Variants in NECTIN3 observed in about 807,000 individuals in gnomAD.
NECTIN3 encodes nectin cell adhesion molecule 3, also known as nectin-3.
A neutral mutation model predicts 49.4 loss-of-function variants in NECTIN3; 8 were observed. The ratio of observed to expected loss-of-function variants is 0.16; its 90% confidence interval spans 0.10 to 0.29. The LOEUF (loss-of-function observed/expected upper bound fraction) is 0.29, where lower values mean the gene tolerates loss of function less well. Among genes scored for constraint, NECTIN3 ranks in the 10% least tolerant of loss-of-function variants. The pLI, the probability that NECTIN3 is intolerant of heterozygous loss-of-function variation, is 1.00. For synonymous variants in NECTIN3, 277 were observed against 241.1 expected, an observed-to-expected ratio of 1.15 and a Z score of -1.38; for missense variants, 581 against 654.6, an observed-to-expected ratio of 0.89 and a Z score of 1.23.
At chr3:111,175,234 G>A (rs957724938) in intron 7 of NECTIN3, among the ~76,000 whole-genome samples, 7 of 151,684 alleles carry the variant, frequency 4.6e-5, no homozygotes, top group African/African-American at 1.7e-4. Flanking sequence ...GGAGCCTGGG[G>A]TTTTGGTTTA....
At chr3:111,077,247 A>T (rs1483513407) in intron 1 of NECTIN3, 2 of 437,546 alleles carry the variant, frequency 4.6e-6, no homozygotes, top group Non-Finnish European at 9.3e-6. Context: ...CATTCTGCTA[A>T]ATAAGTTGAG....
intron 1 of NECTIN3, among the ~76,000 whole-genome samples, chr3:111,082,859 G>C (rs139331657): frequency 6.6e-6 from 1 of 152,242 alleles, no homozygotes; most frequent in Non-Finnish European, 1.5e-5. Context: ...AGTCCCGTCT[G>C]GGGGTGATGG....
At chr3:111,162,146 C>A (rs1449193079) in intron 7 of NECTIN3, among the ~76,000 whole-genome samples, 1 of 151,996 alleles carries the variant, frequency 6.6e-6, no homozygotes, top group African/African-American at 2.4e-5. Context: ...GGGGGTGGGT[C>A]ACGCTTTGTG....
intron 6 of NECTIN3, among the ~76,000 whole-genome samples, chr3:111,145,410 T>C (rs948609689): frequency 1.3e-5 from 2 of 152,214 alleles, no homozygotes; most frequent in African/African-American, 4.8e-5. Context: ...CTTCATATTG[T>C]ATATGCATGT....
intron 7 of NECTIN3, among the ~76,000 whole-genome samples, chr3:111,168,997 T>C (rs965470140): frequency 1.3e-5 from 2 of 151,368 alleles, no homozygotes; most frequent in East Asian, 1.9e-4. Context: ...AAAGAAAACA[T>C]ATACTTTTCT....
chr3:111,082,854 C>G (rs904974294), intron 1 of NECTIN3, among the ~76,000 whole-genome samples: 2 of 152,162 alleles, frequency 1.3e-5, no homozygotes, highest in Admixed American at 1.3e-4. Context: ...TAGACAGTCC[C>G]GTCTGGGGGT....
At chr3:111,082,547 G>A (rs2031681290) in intron 1 of NECTIN3, among the ~76,000 whole-genome samples, 1 of 152,150 alleles carries the variant, frequency 6.6e-6, no homozygotes. Flanking sequence ...AATACATTTA[G>A]TAGAGGTAAG....
intron 7 of NECTIN3, among the ~76,000 whole-genome samples, chr3:111,171,432 G>A (rs1369859935): frequency 6.6e-6 from 1 of 152,164 alleles, no homozygotes; most frequent in Admixed American, 6.5e-5. Flanking sequence ...TAACATTTTA[G>A]GTTCATCAAT....
chr3:111,112,509 C>T (rs2033515478), intron 2 of NECTIN3, 138 bp downstream of exon 2: 3 of 633,386 alleles, frequency 4.7e-6, no homozygotes, highest in Middle Eastern at 4.4e-4. Context: ...TTTTCAAGAT[C>T]CTTCTTAAAA....
At chr3:111,132,670 CTGT>C (rs2034435971) in intron 5 of NECTIN3, among the ~76,000 whole-genome samples, 1 of 151,836 alleles carries the variant, frequency 6.6e-6, no homozygotes, top group African/African-American at 2.4e-5. Context: ...GCTATTTACT[CTGT>C]TATCTAATGT....
downstream of NECTIN3, among the ~76,000 whole-genome samples, chr3:111,139,116 T>C (rs2034676981): frequency 6.6e-6 from 1 of 151,746 alleles, no homozygotes; most frequent in African/African-American, 2.4e-5. Flanking sequence ...CTTCTTGATA[T>C]TATTTCATCT....
At chr3:111,126,547 T>C (rs4682233) in intron 5 of NECTIN3, among the ~76,000 whole-genome samples, 5,957 of 152,240 alleles carry the variant, frequency 0.039, 395 homozygotes, top group African/African-American at 0.13. Context: ...TCAAAGTGTC[T>C]GTGCAACAAG....
chr3:111,136,554 T>G lies in NECTIN3; in HGVS notation c.*2339T>G. 2.1e-6 allele frequency: 2 copies of G among 952,806 alleles called. No homozygotes were observed. Among genetic ancestry groups the G allele is most frequent in the Non-Finnish European group, 2.5e-6 (2 of 800,490 alleles). The allele number at this position is 952,806 out of a possible 1,614,324, so 59.0% of individuals were successfully genotyped here. The stretch of plus-strand genomic sequence containing the variant: ...ATTAGAACTTTATGTATATTTACTG[T>G]ACATAGAGACTTGTTTGAAAACATG... On this transcript the variant is annotated 3_prime_UTR_variant, in exon 6 of 6. Transcript: ENST00000485303.
intron 7 of NECTIN3, among the ~76,000 whole-genome samples, chr3:111,150,517 A>C (rs1359039701): frequency 6.6e-6 from 1 of 151,950 alleles, no homozygotes; most frequent in African/African-American, 2.4e-5. Flanking sequence ...GAAATGTAAT[A>C]TATGCATAAA....
chr3:111,122,202 A>G lies in NECTIN3; in HGVS notation c.881A>G (p.Asp294Gly), dbSNP rs1039212311. The stretch of plus-strand genomic sequence containing the variant: ...GGTGTTAATCTCAAATGTAATGCTG[A>G]TGCAAATCCACCACCCTTCAAATCT... ...RKGVNLKCNA[D>G]ANPPPFKSVW... The change falls in exon 4 of 6, where the codon GAT (aspartate) becomes GGT (glycine). Residue 294 changes from aspartate (D) to glycine (G), a missense_variant. Asp to Gly is a moderately conservative substitution (Grantham distance 94). This residue lies in a region of NECTIN3 where 234 missense variants were observed against 340.6 expected (regional missense o/e 0.69). Coordinates refer to ENST00000485303, the MANE Select transcript of NECTIN3 (RefSeq NM_015480.3). The G allele has an allele frequency of 4.3e-6, 7 of 1,612,964 alleles. No homozygotes were observed. Among genetic ancestry groups the G allele is most frequent in the Non-Finnish European group, 5.9e-6 (7 of 1,179,178 alleles).
chr3:111,113,840 C>T lies in NECTIN3; in HGVS notation c.502+1469C>T, dbSNP rs538780168. Reference sequence around the variant, plus strand: ...CTCTACTAAAAATACAAAAATTAGCCAGGCATGGTAGTGCATGCCTGTAAT... The same window carrying T: ...CTCTACTAAAAATACAAAAATTAGCTAGGCATGGTAGTGCATGCCTGTAAT... On this transcript the variant is annotated intron_variant, in intron 2 of 5. Transcript: ENST00000485303. Among the ~76,000 whole-genome samples, 27 of 152,118 alleles carry T rather than the reference C, an allele frequency of 1.8e-4. No homozygotes were observed. The South Asian group carries it at 5.4e-3, about 30-fold the overall frequency.
At chr3:111,094,186 C>CA (rs200284641) in intron 1 of NECTIN3, among the ~76,000 whole-genome samples, 20 of 150,062 alleles carry the variant, frequency 1.3e-4, no homozygotes, top group African/African-American at 2.4e-4. Context: ...AAAGACAAAA[C>CA]AAAAAAAAAC....
intron 6 of NECTIN3, among the ~76,000 whole-genome samples, chr3:111,146,798 T>G (rs1213242003): frequency 6.6e-6 from 1 of 152,172 alleles, no homozygotes; most frequent in African/African-American, 2.4e-5. Context: ...TAAAACTATC[T>G]TTGTTATAAG....
chr3:111,138,866 C>T (rs1048565592), downstream of NECTIN3, among the ~76,000 whole-genome samples: 34 of 151,552 alleles, frequency 2.2e-4, 1 homozygote, highest in Non-Finnish European at 5.9e-5. Context: ...TGTACAGTCT[C>T]AATTAAGAGA....
Sources: allele counts gnomAD v4.1 joint callset (sites outside exome capture counted in the v4.1 genomes callset), GRCh38; gene constraint gnomAD v4.1.1; regional missense constraint gnomAD v4.1.1; transcripts MANE v1.5; gene names NCBI Gene and HGNC (gene_info 2026-07-23, HGNC 2026-07-21).